NRXN1: variants seen among roughly 807,000 people sequenced by gnomAD.
NRXN1 encodes the protein neurexin-1.
A neutral mutation model predicts 150.9 loss-of-function variants in NRXN1; 39 were observed. That is an observed-to-expected ratio of 0.26 (90% CI 0.20 to 0.34). The LOEUF (loss-of-function observed/expected upper bound fraction) is 0.34, where lower values mean the gene tolerates loss of function less well. Ranked by LOEUF, NRXN1 falls within the 10% of genes least tolerant of loss-of-function variation. The pLI is 1.00. For missense variants in NRXN1, 1,815 were observed against 1,949.9 expected (o/e 0.93, Z 1.30); for synonymous variants, 924 against 757.0 (o/e 1.22, Z -3.62).
intron 5 of NRXN1, among the ~76,000 whole-genome samples, chr2:50,644,527 C>T (rs963957662): frequency 2.0e-5 from 3 of 151,476 alleles, no homozygotes; most frequent in East Asian, 2.0e-4. Context: ...CCCTACAGTC[C>T]GAAACTAAAG....
chr2:50,619,818 A>C (rs1679669410), intron 8 of NRXN1: 8 of 446,960 alleles, frequency 1.8e-5, no homozygotes, highest in Non-Finnish European at 3.2e-5. Flanking sequence ...TTACAGACTA[A>C]TAAAGAAGAG....
chr2:50,122,958 C>A (rs1305649049), intron 18 of NRXN1, among the ~76,000 whole-genome samples: 8 of 151,900 alleles, frequency 5.3e-5, no homozygotes, highest in African/African-American at 1.9e-4. Context: ...GCAATTAAGC[C>A]CAGAAAAATT....
intron 17 of NRXN1, among the ~76,000 whole-genome samples, chr2:50,387,876 A>G (rs1472813493): frequency 2.0e-5 from 3 of 152,240 alleles, no homozygotes. Context: ...AACATTTTAC[A>G]AAACACTCAC....
intron 5 of NRXN1, among the ~76,000 whole-genome samples, chr2:50,884,749 G>A (rs1212997506): frequency 6.6e-6 from 1 of 151,344 alleles, no homozygotes; most frequent in African/African-American, 2.4e-5. Flanking sequence ...AAACTAAGTT[G>A]CAGTAACATA....
At chr2:50,998,435 G>A (rs1434108696) in intron 2 of NRXN1, among the ~76,000 whole-genome samples, 1 of 152,054 alleles carries the variant, frequency 6.6e-6, no homozygotes, top group African/African-American at 2.4e-5. Context: ...ATTAATGGAA[G>A]TGCCAAAATG....
At chr2:50,769,395 G>C (rs555984593) in intron 5 of NRXN1, among the ~76,000 whole-genome samples, 2 of 152,202 alleles carry the variant, frequency 1.3e-5, no homozygotes, top group Admixed American at 1.3e-4. Context: ...GGCAAGGTCT[G>C]ATTTCTCTGA....
chr2:50,038,916 A>T (rs1690482178), intron 21 of NRXN1, among the ~76,000 whole-genome samples: 1 of 151,988 alleles, frequency 6.6e-6, no homozygotes, highest in Admixed American at 6.6e-5. Context: ...GCGGTGGATC[A>T]TGCCTGTAAT....
rs570689240 is a variant in NRXN1, at chr2:50,353,655, G to A, written c.3364+111787C>T. On this transcript the variant is annotated intron_variant, in intron 17 of 22. Transcript: ENST00000401669. ...ATTATTCTTTATTCATGTGTACTTA[G>A]TTTAGCTTATTTATTCTTTATTCAT... Among the ~76,000 whole-genome samples, 10 of 152,196 alleles carry A rather than the reference G, an allele frequency of 6.6e-5. No individual in the cohort carries two copies. In the South Asian group the frequency reaches 2.1e-3, roughly 32 times the overall value.
intron 17 of NRXN1, among the ~76,000 whole-genome samples, chr2:50,424,106 T>C (rs535135815): frequency 2.3e-5 from 3 of 129,306 alleles, no homozygotes; most frequent in Admixed American, 1.8e-4. Flanking sequence ...TTACCTTACA[T>C]GAGAAAGAAG....
chr2:50,446,793 A>C (rs990799691), intron 17 of NRXN1, among the ~76,000 whole-genome samples: 2 of 152,044 alleles, frequency 1.3e-5, no homozygotes, highest in African/African-American at 4.8e-5. Flanking sequence ...TCTATATTTT[A>C]ATTGTTATAC....
chr2:50,497,818 C>G, intron 13 of NRXN1, 104 bp from the exon 14 acceptor site: 3 of 1,030,528 alleles, frequency 2.9e-6, no homozygotes, highest in Non-Finnish European at 4.3e-6. Context: ...GAGCCAAATC[C>G]CTCCTTGGTA....
chr2:50,375,533 T>TTTTTTTTTTTTTTTG, intron 17 of NRXN1, among the ~76,000 whole-genome samples: 1 of 108,328 alleles, frequency 9.2e-6, no homozygotes, highest in East Asian at 3.9e-4. Context: ...ACTACCTCTT[T>TTTTTTTTTTTTTTTG]AGGTTGGATG....
At chr2:50,325,670 G>A (rs1390616718) in intron 17 of NRXN1, among the ~76,000 whole-genome samples, 4 of 152,090 alleles carry the variant, frequency 2.6e-5, no homozygotes, top group Non-Finnish European at 4.4e-5. Context: ...ATTATTAACA[G>A]TATTATTCAA....
At chr2:49,982,820 T>A (rs1280679502) in intron 21 of NRXN1, among the ~76,000 whole-genome samples, 1 of 152,174 alleles carries the variant, frequency 6.6e-6, no homozygotes, top group African/African-American at 2.4e-5. Context: ...ATTTTTTTCA[T>A]AACATAAGTG....
At chr2:50,692,293 C>T (rs1044574946) in intron 5 of NRXN1, among the ~76,000 whole-genome samples, 3 of 152,112 alleles carry the variant, frequency 2.0e-5, no homozygotes, top group Non-Finnish European at 4.4e-5. Context: ...CTGTTTTGAG[C>T]ATCATTCCTT....
chr2:50,011,627 C>T (rs1000889289), intron 21 of NRXN1, among the ~76,000 whole-genome samples: 1 of 152,038 alleles, frequency 6.6e-6, no homozygotes, highest in Non-Finnish European at 1.5e-5. Context: ...GTTCTTGCCT[C>T]ACCATCAGAG....
intron 8 of NRXN1, among the ~76,000 whole-genome samples, chr2:50,603,957 G>A (rs1347025871): frequency 6.6e-6 from 1 of 152,124 alleles, no homozygotes; most frequent in Non-Finnish European, 1.5e-5. Flanking sequence ...TTAATCTGAA[G>A]CATATCTGGT....
At chr2:50,129,550 T>C (rs2152745570) in intron 18 of NRXN1, among the ~76,000 whole-genome samples, 1 of 152,346 alleles carries the variant, frequency 6.6e-6, no homozygotes, top group Non-Finnish European at 1.5e-5. Flanking sequence ...AATTTTATTT[T>C]GCTTGAACAA....
chr2:50,158,940 G>T (rs370086647), intron 18 of NRXN1, among the ~76,000 whole-genome samples: 46 of 152,048 alleles, frequency 3.0e-4, no homozygotes, highest in African/African-American at 1.1e-3. Flanking sequence ...GTAAGATAGG[G>T]ACATCCAAGG....
Sources: allele counts gnomAD v4.1 joint callset (sites outside exome capture counted in the v4.1 genomes callset), GRCh38; gene constraint gnomAD v4.1.1; transcripts MANE v1.5; gene names NCBI Gene and HGNC (gene_info 2026-07-23, HGNC 2026-07-21).